The following TTC28 variants were observed in gnomAD, a reference collection of about 807,000 sequenced individuals.
TTC28 encodes tetratricopeptide repeat domain 28.
A neutral mutation model predicts 198.0 loss-of-function variants in TTC28; 61 were observed. The observed-to-expected ratio is 0.31, with a 90% CI of 0.25 to 0.38. The LOEUF is 0.38. Among genes scored for constraint, TTC28 ranks in the 10% least tolerant of loss-of-function variants. The probability of loss-of-function intolerance (pLI) is 1.00; values close to 1 mark genes in which losing one functional copy is unlikely to be tolerated. For missense variants in TTC28, 2,678 were observed against 3,164.0 expected (o/e 0.85, Z 3.69); for synonymous variants, 1,171 against 1,297.8 (o/e 0.90, Z 2.10).
At chr22:28,389,113 T>A (rs1298221105) in intron 2 of TTC28, among the ~76,000 whole-genome samples, 8 of 152,352 alleles carry the variant, frequency 5.3e-5, no homozygotes, top group Non-Finnish European at 7.3e-5. Flanking sequence ...GTGGTTTTTG[T>A]CTTTGGTTCT....
rs144471723 is a variant in TTC28 at position 28,201,918 on chromosome 22, T to C, written c.934-38319A>G. 7.2e-3 allele frequency among the ~76,000 whole-genome samples: 1,092 copies of C among 152,076 alleles called. 14 individuals carry two copies. Among genetic ancestry groups the C allele is most frequent in the African/African-American group, 0.025 (1,053 of 41,478 alleles). ...CATGAGGAATATTTAGGACATAGAA[T>C]TGAATGAAATTAATATTTGTACAGA... On this transcript the variant is annotated intron_variant, in intron 5 of 22. Coordinates refer to ENST00000397906, the MANE Select transcript of TTC28 (RefSeq NM_001145418.2).
At chr22:28,309,373 G>T (rs1182471343) in intron 2 of TTC28, among the ~76,000 whole-genome samples, 1 of 152,060 alleles carries the variant, frequency 6.6e-6, no homozygotes, top group Non-Finnish European at 1.5e-5. Context: ...TTGCTGTAAG[G>T]CTCCCAGACA....
intron 12 of TTC28, among the ~76,000 whole-genome samples, chr22:28,069,735 A>C (rs567390147): frequency 3.9e-5 from 6 of 152,062 alleles, no homozygotes; most frequent in Non-Finnish European, 8.8e-5. Flanking sequence ...CCAACTATTA[A>C]TTATCTATCC....
rs201196518 is a variant in TTC28, at chr22:28,669,966, ATACTC to A, written c.102+9651_102+9655del. Among the ~76,000 whole-genome samples the A allele has an allele frequency of 5.9e-3, 904 of 152,240 alleles. 7 individuals carry two copies. Among genetic ancestry groups the A allele is most frequent in the African/African-American group, 0.021 (863 of 41,526 alleles). On this transcript the variant is annotated intron_variant, in intron 1 of 22. Transcript: ENST00000397906. ...CTTGAATTTTTTATACACACAGTAT[ATACTC>A]TATTATATGTATACACAGAATACAA...
At chr22:28,267,494 T>C (rs982818316) in intron 5 of TTC28, among the ~76,000 whole-genome samples, 5 of 152,316 alleles carry the variant, frequency 3.3e-5, no homozygotes, top group African/African-American at 9.6e-5. Context: ...TGGAATTTGG[T>C]GGGAGAAGGA....
chr22:28,210,467 A>G (rs1349039319), intron 5 of TTC28, among the ~76,000 whole-genome samples: 2 of 152,168 alleles, frequency 1.3e-5, no homozygotes, highest in African/African-American at 4.8e-5. Flanking sequence ...GCTGAAAACC[A>G]TGGCATGAGA....
At chr22:28,017,373 G>T (rs1346933057) in intron 13 of TTC28, among the ~76,000 whole-genome samples, 1 of 152,252 alleles carries the variant, frequency 6.6e-6, no homozygotes, top group Non-Finnish European at 1.5e-5. Context: ...ATGGGCCTTT[G>T]TCCTGGGTCC....
intron 5 of TTC28, among the ~76,000 whole-genome samples, chr22:28,289,145 A>G (rs1478129582): frequency 6.6e-6 from 1 of 152,186 alleles, no homozygotes; most frequent in African/African-American, 2.4e-5. Context: ...CTAACCAAAT[A>G]TGAGAGTGAG....
chr22:28,268,136 A>G (rs10483147), intron 5 of TTC28, among the ~76,000 whole-genome samples: 3,921 of 152,282 alleles, frequency 0.026, 195 homozygotes, highest in African/African-American at 0.09. Flanking sequence ...CTTACTGGAG[A>G]GTTTACTTAA....
At chr22:28,055,736 C>T (rs1050084254) in intron 12 of TTC28, among the ~76,000 whole-genome samples, 3 of 152,092 alleles carry the variant, frequency 2.0e-5, no homozygotes, top group African/African-American at 7.2e-5. Context: ...AAGTTTAATG[C>T]TTTTTCATGC....
chr22:28,367,357 TGAAGAA>T (rs1196021234), intron 2 of TTC28, among the ~76,000 whole-genome samples: 1 of 151,804 alleles, frequency 6.6e-6, no homozygotes, highest in Non-Finnish European at 1.5e-5. Flanking sequence ...AATGAAGAAA[TGAAGAA>T]GGAAAATGAA....
rs182541799 is a variant in TTC28 at position 28,495,449 on chromosome 22, A to G, written c.381+134103T>C. The stretch of plus-strand genomic sequence containing the variant: ...AAATTCAGAGGGGAAAATTATTCCC[A>G]ACCTCGAGTACTACAATCATTCAAA... On this transcript the variant is annotated intron_variant, in intron 2 of 22. Coordinates refer to ENST00000397906, the MANE Select transcript of TTC28 (RefSeq NM_001145418.2). Among the ~76,000 whole-genome samples the G allele has an allele frequency of 7.2e-5, 11 of 152,342 alleles. No homozygotes were observed. In the South Asian group the frequency reaches 1.0e-3, roughly 14 times the overall value.
intron 2 of TTC28, among the ~76,000 whole-genome samples, chr22:28,588,141 C>CA (rs59061860): frequency 0.44 from 61,002 of 138,570 alleles, 14,489 homozygotes; most frequent in South Asian, 0.63. Flanking sequence ...GACTCCGTCT[C>CA]AAAAAAAAAA....
chr22:28,001,525 C>A lies in TTC28; in HGVS notation c.4247G>T (p.Gly1416Val), dbSNP rs529545214. Reference protein sequence around the residue: ...GGLMHSSGPVGRHRQLILVLE... With the variant: ...GGLMHSSGPVVRHRQLILVLE... ...AACCAGGATGAGCTGCCGGTGCCGG[C>A]CCACGGGGCCGCTGGAGTGCATCAG... Residue 1416 changes from glycine (G) to valine (V), a missense_variant, in exon 15 of 23, where the codon GGC becomes GTC. Coordinates refer to ENST00000397906, the MANE Select transcript of TTC28 (RefSeq NM_001145418.2). 6.4e-7 allele frequency: 1 copy of A among 1,551,196 alleles called. No homozygotes were observed. Among genetic ancestry groups the A allele is most frequent in the East Asian group, 2.4e-5 (1 of 40,914 alleles).
chr22:28,368,284 A>G (rs1004991682), intron 2 of TTC28, among the ~76,000 whole-genome samples: 2 of 152,108 alleles, frequency 1.3e-5, no homozygotes, highest in African/African-American at 4.8e-5. Flanking sequence ...AATGGAATGA[A>G]GGCCAAAATA....
chr22:28,494,977 A>T (rs1319416207), intron 2 of TTC28, among the ~76,000 whole-genome samples: 4 of 151,906 alleles, frequency 2.6e-5, no homozygotes, highest in African/African-American at 7.3e-5. Flanking sequence ...AAAAAGGAAT[A>T]AAAAAAACTA....
intron 2 of TTC28, among the ~76,000 whole-genome samples, chr22:28,495,954 C>T (rs2048449150): frequency 6.6e-6 from 1 of 152,176 alleles, no homozygotes; most frequent in East Asian, 1.9e-4. Context: ...AAGCTCCATG[C>T]TGCTAAATCC....
chr22:28,536,778 A>T (rs1287614707), intron 2 of TTC28, among the ~76,000 whole-genome samples: 1 of 152,194 alleles, frequency 6.6e-6, no homozygotes, highest in Non-Finnish European at 1.5e-5. Flanking sequence ...CCAACAAAAC[A>T]CCAATAGAAT....
At chr22:28,523,046 T>C (rs9620803) in intron 2 of TTC28, among the ~76,000 whole-genome samples, 15,094 of 152,204 alleles carry the variant, frequency 0.099, 854 homozygotes, top group African/African-American at 0.12. Context: ...GTATGTGAAT[T>C]ATATCTGAAC....
Sources: allele counts gnomAD v4.1 joint callset (sites outside exome capture counted in the v4.1 genomes callset), GRCh38; gene constraint gnomAD v4.1.1; transcripts MANE v1.5; gene names NCBI Gene and HGNC (gene_info 2026-07-23, HGNC 2026-07-21).